The following NFKBID variants were observed in gnomAD, a reference collection of about 807,000 sequenced individuals.
NFKBID encodes NF-kappa-B inhibitor delta.
NFKBID carries 26 observed loss-of-function variants against 53.4 expected under a neutral mutation model. The ratio of observed to expected loss-of-function variants is 0.49; its 90% CI spans 0.36 to 0.68. The LOEUF (loss-of-function observed/expected upper bound fraction) is 0.68. NFKBID is among the 30% of genes least tolerant of loss of function. The pLI, the probability that NFKBID is intolerant of heterozygous loss-of-function variation, is 0.00. For missense variants in NFKBID, 493 were observed against 614.1 expected (o/e 0.80, Z 2.08); for synonymous variants, 262 against 259.8 (o/e 1.01, Z -0.08).
At chr19:35,891,265 C>T (rs1599601929) in intron 9 of NFKBID, among the ~76,000 whole-genome samples, 1 of 152,128 alleles carries the variant, frequency 6.6e-6, no homozygotes, top group East Asian at 1.9e-4. Flanking sequence ...TAAAATGAAA[C>T]CTTTTTATGT....
upstream of NFKBID, chr19:35,901,662 C>G: frequency 6.5e-6 from 1 of 153,778 alleles, no homozygotes; most frequent in South Asian, 1.9e-4. Context: ...GGTGAGATCT[C>G]GGCTCACTGC....
Position 35,896,283 on chromosome 19 carries a change from A to G in NFKBID, c.832-14T>C. ...GTTAAGCACAGCCTGGGAGGAAGAG[A>G]AGGCAGACTGCTGGGTAAGGGTATC... On this transcript the variant is annotated splice_polypyrimidine_tract_variant and intron_variant, in intron 7 of 11. Coordinates refer to ENST00000641389, the Ensembl canonical transcript of NFKBID. This position sits in a 1 kb window ranked among gnomAD's most constrained non-coding sequence, Gnocchi z 5.7. The G allele has an allele frequency of 1.2e-6, 2 of 1,614,148 alleles. No homozygotes were observed. Among genetic ancestry groups the G allele is most frequent in the Non-Finnish European group, 1.7e-6 (2 of 1,180,010 alleles).
intron 4 of NFKBID, 85 bp from the exon 5 acceptor site, chr19:35,897,143 A>T: frequency 7.0e-7 from 1 of 1,421,224 alleles, no homozygotes. Context: ...GTCAGCTGAG[A>T]ATTCCTCCAT....
At chr19:35,893,646 G>C (rs892478462) in intron 9 of NFKBID, among the ~76,000 whole-genome samples, 1 of 151,726 alleles carries the variant, frequency 6.6e-6, no homozygotes, top group Non-Finnish European at 1.5e-5. Context: ...CGGTGAAACT[G>C]CGTCTCTACT....
chr19:35,897,141 A>C, intron 4 of NFKBID, 83 bp from the exon 5 acceptor site: 1 of 1,438,180 alleles, frequency 7.0e-7, no homozygotes, highest in Non-Finnish European at 9.4e-7. Flanking sequence ...CAGTCAGCTG[A>C]GAATTCCTCC....
chr19:35,888,549 G>C, exon 12 of NFKBID: 1 of 1,561,324 alleles, frequency 6.4e-7, no homozygotes, highest in Non-Finnish European at 8.7e-7. Flanking sequence ...CCAGGGTCTG[G>C]GTTTGAGTCC....
At position 35,900,503 on chromosome 19, in the gene NFKBID, C is replaced by A. The variant is rs954002384; in HGVS notation, c.-1G>T. 4 of 1,231,786 alleles carry A rather than the reference C, an allele frequency of 3.2e-6. No homozygotes were observed. In the African/African-American group the frequency reaches 4.7e-5, roughly 14 times the overall value. The allele number at this position is 1,231,786 out of a possible 1,614,324, so 76.3% of individuals were successfully genotyped here. A position where few individuals can be genotyped will look rare whatever the true frequency, so the allele number is the denominator to read the frequency against. ...GGCCGCGGCCTCGGCGCTGCGCCAG[C>A]CTCGCTGTTTCCCCCGCGGAGCCGC... On this transcript the variant is annotated 5_prime_UTR_variant, in exon 1 of 12. Transcript: ENST00000641389.
At chr19:35,901,019 G>A (rs546166585), upstream of NFKBID, among the ~76,000 whole-genome samples, 34 of 152,054 alleles carry the variant, frequency 2.2e-4, no homozygotes, top group African/African-American at 7.7e-4. Context: ...TTTTAGGAGA[G>A]ATGGGGTTTC....
intron 9 of NFKBID, among the ~76,000 whole-genome samples, chr19:35,892,512 C>T (rs1395402444): frequency 4.0e-5 from 6 of 150,732 alleles, no homozygotes; most frequent in African/African-American, 1.2e-4. Context: ...CCACTGCACT[C>T]CAACCTGGGC....
chr19:35,891,089 G>A (rs1240357978), intron 9 of NFKBID, among the ~76,000 whole-genome samples: 1 of 152,108 alleles, frequency 6.6e-6, no homozygotes, highest in Non-Finnish European at 1.5e-5. Flanking sequence ...TTGGCTACCT[G>A]CCCTCCATTC....
rs112270812 is a variant in NFKBID, at chr19:35,888,874, C to T, written c.1315-262G>A. 8.2e-3 allele frequency among the ~76,000 whole-genome samples: 1,251 copies of T among 152,192 alleles called. 21 individuals are homozygous for T. The highest frequency in any genetic ancestry group is 0.028 in the African/African-American group (1,182 of 41,512). ...CAGCCCAGCCAACATGGCGAAACCC[C>T]GCCTCTACCAGAGATACAAAAATTA... On this transcript the variant is annotated intron_variant, in intron 11 of 11. Coordinates refer to ENST00000641389, the Ensembl canonical transcript of NFKBID.
intron 3 of NFKBID, 70 bp from the exon 4 acceptor site, chr19:35,897,926 G>A (rs1975297078): frequency 9.3e-7 from 1 of 1,074,150 alleles, no homozygotes; most frequent in East Asian, 2.6e-5. Context: ...CAGGGCTAGA[G>A]GGCCTGGCGT....
upstream of NFKBID, chr19:35,901,951 G>A: frequency 1.8e-6 from 1 of 556,548 alleles, no homozygotes; most frequent in East Asian, 3.1e-5. Context: ...CCCATTCAGT[G>A]TGTGTTGTGA....
At chr19:35,898,647 G>A (rs1975360771) in intron 2 of NFKBID, 72 bp downstream of exon 2, 2 of 1,449,488 alleles carry the variant, frequency 1.4e-6, no homozygotes, top group African/African-American at 1.4e-5. Flanking sequence ...TCAGCCCCGA[G>A]GGCCCGGCAA....
chr19:35,898,576 G>A (rs1975353320), intron 2 of NFKBID, 44 bp from the exon 3 acceptor site: 1 of 1,467,586 alleles, frequency 6.8e-7, no homozygotes, highest in Non-Finnish European at 9.2e-7. Flanking sequence ...ACTTTATCTG[G>A]CAGATTCCTC....
At chr19:35,890,015 G>A (rs772381908) in exon 11 of NFKBID, 7 of 1,607,852 alleles carry the variant, frequency 4.4e-6, no homozygotes, top group Non-Finnish European at 5.9e-6. Flanking sequence ...GGCCCAGGGG[G>A]CAGGGCAGCC....
At chr19:35,897,586 C>T in intron 4 of NFKBID, 65 bp downstream of exon 4, 1 of 814,430 alleles carries the variant, frequency 1.2e-6, no homozygotes, top group Non-Finnish European at 2.2e-6. Flanking sequence ...TCTCAGAATA[C>T]TGCAGGAGTG....
upstream of NFKBID, chr19:35,901,967 G>T: frequency 1.7e-6 from 1 of 583,542 alleles, no homozygotes; most frequent in Non-Finnish European, 3.1e-6. Context: ...TGTGATAGGG[G>T]CAGAATCCTG....
upstream of NFKBID, chr19:35,902,075 A>T (rs2146978870): frequency 1.5e-6 from 1 of 675,790 alleles, no homozygotes; most frequent in East Asian, 2.7e-5. Context: ...GACCAGCCTT[A>T]TCCCCTGAAC....
Sources: gnomAD v4.1 joint callset for allele counts (sites outside exome capture counted in the v4.1 genomes callset) on GRCh38, gnomAD v4.1.1 for gene constraint, Gnocchi (gnomAD v3.1) non-coding constraint, MANE v1.5 for transcripts, NCBI Gene and HGNC (gene_info 2026-07-23, HGNC 2026-07-21) for gene names.